Variants in ATP2B2 observed in about 807,000 individuals in gnomAD.
ATP2B2 encodes ATPase plasma membrane Ca2+ transporting 2, also known as plasma membrane calcium-transporting ATPase 2.
ATP2B2 carries 15 observed loss-of-function variants against 120.0 expected under a neutral mutation model. The ratio of observed to expected loss-of-function variants is 0.12; its 90% CI spans 0.08 to 0.19. The LOEUF is 0.19. Among genes scored for constraint, ATP2B2 ranks in the 10% least tolerant of loss-of-function variants. The probability of loss-of-function intolerance (pLI) is 1.00; values close to 1 mark genes in which losing one functional copy is unlikely to be tolerated. For synonymous variants in ATP2B2, 694 were observed against 700.3 expected, an observed-to-expected ratio of 0.99 and a Z score of 0.14; for missense variants, 1,045 against 1,719.8, an observed-to-expected ratio of 0.61 and a Z score of 6.94.
rs772533082 is a variant in ATP2B2 at position 10,647,086 on chromosome 3, G to A, written c.-459-27125C>T. ...GGGCTTGGTGGGAGCAATGGGGGTA[G>A]GGGGAATGGGGGCAGCCCCTTCTGC... On this transcript the variant is annotated intron_variant, in intron 1 of 21. Coordinates refer to the ATP2B2 transcript ENST00000646379. 1.6e-4 allele frequency among the ~76,000 whole-genome samples: 25 copies of A among 152,176 alleles called. 1 individual carries two copies. Among genetic ancestry groups the A allele is most frequent in the Admixed American group, 7.2e-4 (11 of 15,282 alleles).
intron 2 of ATP2B2, among the ~76,000 whole-genome samples, chr3:10,414,602 G>A (rs1183144375): frequency 6.6e-6 from 1 of 152,194 alleles, no homozygotes; most frequent in African/African-American, 2.4e-5. Context: ...CTGGACATCT[G>A]GAATTTGATG....
intron 1 of ATP2B2, chr3:10,626,931 A>ATGAGACAC (rs1254149485): frequency 1.3e-5 from 2 of 150,052 alleles, no homozygotes; most frequent in African/African-American, 4.9e-5. Context: ...TCATTTACCA[A>ATGAGACAC]TGAGACACTG....
chr3:10,560,797 G>T (rs556537876), intron 2 of ATP2B2, among the ~76,000 whole-genome samples: 3 of 152,050 alleles, frequency 2.0e-5, no homozygotes, highest in African/African-American at 4.8e-5. Context: ...ATCCATTGAC[G>T]GCCCTCCTGC....
intron 3 of ATP2B2, among the ~76,000 whole-genome samples, chr3:10,403,880 C>T (rs1311183944): frequency 1.3e-5 from 2 of 152,222 alleles, no homozygotes; most frequent in Non-Finnish European, 2.9e-5. Flanking sequence ...GTTCACTCTC[C>T]CTGAGCCTAG....
At chr3:10,651,748 G>GATGGATGGATGGATGGATGA (rs2070470724) in intron 1 of ATP2B2, among the ~76,000 whole-genome samples, 1 of 83,552 alleles carries the variant, frequency 1.2e-5, no homozygotes, top group South Asian at 3.5e-4. Context: ...TGTATGAATG[G>GATGGATGGATGGATGGATGA]ATGGATGGAT....
chr3:10,480,693 T>C (rs1014699), intron 1 of ATP2B2, among the ~76,000 whole-genome samples: 76,865 of 152,028 alleles, frequency 0.51, 21,519 homozygotes, highest in East Asian at 0.99. Context: ...CAAGTCCATC[T>C]TGTTCTCGCC....
chr3:10,550,332 G>A (rs529554499), intron 2 of ATP2B2, among the ~76,000 whole-genome samples: 5 of 152,278 alleles, frequency 3.3e-5, no homozygotes, highest in South Asian at 4.1e-4. Flanking sequence ...TGTAGACAGA[G>A]TGTTTTACCT....
chr3:10,325,117 C>T lies in ATP2B2; in HGVS notation c.*3697G>A, dbSNP rs241507. The stretch of plus-strand genomic sequence containing the variant: ...AGGATGCCCTTTTTGTCCCTCTTTA[C>T]AGAACATAGTCTATTTCACAGCCCT... On this transcript the variant is annotated 3_prime_UTR_variant, in exon 23 of 23. Transcript: ENST00000360273. The T allele has an allele frequency of 0.64, 96,582 of 151,834 alleles. 31,320 individuals are homozygous for T. The highest frequency in any genetic ancestry group is 0.96 in the East Asian group (4,975 of 5,174). The allele number at this position is 151,834 out of a possible 1,614,324, so 9.4% of individuals were successfully genotyped here.
chr3:10,568,393 A>G (rs2068055081), intron 2 of ATP2B2, among the ~76,000 whole-genome samples: 1 of 152,182 alleles, frequency 6.6e-6, no homozygotes, highest in African/African-American at 2.4e-5. Context: ...ATCAGGGCTC[A>G]TGGGTGTCCC....
chr3:10,647,879 AG>A lies in ATP2B2; in HGVS notation c.-459-27919del, dbSNP rs372014280. Among the ~76,000 whole-genome samples, 16 of 152,344 alleles carry A rather than the reference AG, an allele frequency of 1.1e-4. 1 individual carries two copies. The highest frequency in any genetic ancestry group is 3.6e-4 in the African/African-American group (15 of 41,574). On this transcript the variant is annotated intron_variant, in intron 1 of 21. Coordinates refer to the ATP2B2 transcript ENST00000646379. ...AAAGAACTCTTCTCTCACAGGGGAA[AG>A]GGAGGCAGACATCCAGAAAAGGTGA... is the stretch of plus-strand genomic sequence containing the variant.
At chr3:10,514,910 G>T (rs575245686) in intron 3 of ATP2B2, among the ~76,000 whole-genome samples, 1 of 152,212 alleles carries the variant, frequency 6.6e-6, no homozygotes, top group East Asian at 1.9e-4. Flanking sequence ...TAGATCAGGG[G>T]TTATTGGGCA....
chr3:10,336,383 C>T lies in ATP2B2; in HGVS notation c.3420+1793G>A, dbSNP rs2060118337. 3 of 1,327,536 alleles carry T rather than the reference C, an allele frequency of 2.3e-6. No individual in the cohort carries two copies. The Admixed American group carries it at 6.8e-5, about 30-fold the overall frequency. The allele number at this position is 1,327,536 out of a possible 1,614,324, so 82.2% of individuals were successfully genotyped here. A position where few individuals can be genotyped will look rare whatever the true frequency, so the allele number is the denominator to read the frequency against. On this transcript the variant is annotated intron_variant, in intron 22 of 22. Transcript: ENST00000360273. ...GACTGACAGGGCAACGTCACAAGAA[C>T]AGCCGCAGCCACGGCAACAACGACA...
At chr3:10,652,395 G>A (rs2070490077) in intron 1 of ATP2B2, among the ~76,000 whole-genome samples, 1 of 152,214 alleles carries the variant, frequency 6.6e-6, no homozygotes, top group Non-Finnish European at 1.5e-5. Flanking sequence ...TATAAGGCAA[G>A]ATCTTTAAAA....
intron 1 of ATP2B2, among the ~76,000 whole-genome samples, chr3:10,474,352 T>C (rs1339628708): frequency 6.6e-6 from 1 of 152,144 alleles, no homozygotes; most frequent in Non-Finnish European, 1.5e-5. Context: ...GTTGGATGCA[T>C]GAGTTGGGAG....
intron 2 of ATP2B2, among the ~76,000 whole-genome samples, chr3:10,420,987 T>C (rs1473305398): frequency 6.6e-6 from 1 of 152,188 alleles, no homozygotes; most frequent in Non-Finnish European, 1.5e-5. Flanking sequence ...GAAAACTTAG[T>C]GGTCCCTGGA....
At chr3:10,475,682 A>G (rs2065178774) in intron 1 of ATP2B2, among the ~76,000 whole-genome samples, 1 of 152,156 alleles carries the variant, frequency 6.6e-6, no homozygotes, top group South Asian at 2.1e-4. Flanking sequence ...TTCCCATTTT[A>G]TAGACAGGGA....
In ATP2B2 at chr3:10,342,184, C is replaced by A. The variant is rs1313559050; in HGVS notation, c.2917+568G>T. Among the ~76,000 whole-genome samples, 1 of 152,272 alleles carries A rather than the reference C, an allele frequency of 6.6e-6. No individual in the cohort carries two copies. Among genetic ancestry groups the A allele is most frequent in the Non-Finnish European group, 1.5e-5 (1 of 68,048 alleles). On this transcript the variant is annotated intron_variant, in intron 19 of 22. Transcript: ENST00000360273. The surrounding 1 kb of genome is among the most constrained non-coding windows in gnomAD (Gnocchi z 4.4). ...GACTCTTCCTCAGACTGGCTGTGTG[C>A]CCTTGGGCAAGTCACCTCACCTCTC...
At chr3:10,378,119 G>C in intron 10 of ATP2B2, 133 bp downstream of exon 10, 1 of 1,250,580 alleles carries the variant, frequency 8.0e-7, no homozygotes. Flanking sequence ...CTGTGGTAGA[G>C]AAAGGTGGGC....
chr3:10,546,303 A>G (rs530014798), intron 2 of ATP2B2, among the ~76,000 whole-genome samples: 1 of 152,260 alleles, frequency 6.6e-6, no homozygotes, highest in South Asian at 2.1e-4. Flanking sequence ...TAGCACGCTG[A>G]GAACCCTCTC....
Sources: allele counts gnomAD v4.1 joint callset (sites outside exome capture counted in the v4.1 genomes callset), GRCh38; gene constraint gnomAD v4.1.1; non-coding constraint Gnocchi (gnomAD v3.1); transcripts MANE v1.5; gene names NCBI Gene and HGNC (gene_info 2026-07-23, HGNC 2026-07-21).